The following NCOA2 variants were observed in gnomAD, a reference collection of about 807,000 sequenced individuals.
NCOA2 encodes the protein class E basic helix-loop-helix protein 75.
Under a neutral mutation model 145.1 loss-of-function variants are expected in NCOA2, and 21 were observed. The ratio of observed to expected loss-of-function variants is 0.14; its 90% CI spans 0.10 to 0.21. NCOA2 has a LOEUF of 0.21. Ranked by LOEUF, NCOA2 falls within the 10% of genes least tolerant of loss-of-function variation. The pLI, the probability that NCOA2 is intolerant of heterozygous loss-of-function variation, is 1.00. For synonymous variants in NCOA2, 619 were observed against 637.5 expected (o/e 0.97, Z 0.44); for missense variants, 1,472 against 1,837.6 (o/e 0.80, Z 3.64).
chr8:70,292,791 A>G lies in NCOA2; in HGVS notation c.-20+3953T>C, dbSNP rs1316600516. 5.3e-5 allele frequency among the ~76,000 whole-genome samples: 8 copies of G among 152,224 alleles called. No homozygotes were observed. In the East Asian group the frequency reaches 1.3e-3, roughly 26 times the overall value. On this transcript the variant is annotated intron_variant, in intron 2 of 22. Coordinates refer to ENST00000452400, the MANE Select transcript of NCOA2 (RefSeq NM_006540.4). The stretch of plus-strand genomic sequence containing the variant: ...ATGATTTAGTTTAATGAGGAAAACT[A>G]AGCTAACCGGTTCACACTAATGTGT...
chr8:70,124,203 C>T, intron 20 of NCOA2, 121 bp from the exon 21 acceptor site: 1 of 920,746 alleles, frequency 1.1e-6, no homozygotes, highest in South Asian at 1.9e-5. Context: ...CTGCATGAAC[C>T]CAGGCTGAGA....
chr8:70,285,844 A>G (rs531279565), intron 2 of NCOA2, among the ~76,000 whole-genome samples: 2 of 152,338 alleles, frequency 1.3e-5, no homozygotes, highest in East Asian at 3.9e-4. Flanking sequence ...AACAAGTTCC[A>G]TTTGTATCAC....
chr8:70,163,309 G>A (rs1338457333), intron 8 of NCOA2, among the ~76,000 whole-genome samples, 156 bp downstream of exon 8: 2 of 152,148 alleles, frequency 1.3e-5, no homozygotes, highest in African/African-American at 4.8e-5. Flanking sequence ...AGAGCCAGTG[G>A]CTCTCTCTCC....
At chr8:70,388,502 T>A (rs1029544934) in intron 1 of NCOA2, among the ~76,000 whole-genome samples, 6 of 152,176 alleles carry the variant, frequency 3.9e-5, no homozygotes, top group Non-Finnish European at 8.8e-5. Flanking sequence ...AGCCCTCCAC[T>A]CTAATACAAT....
At chr8:70,211,792 C>T (rs1819056172) in intron 4 of NCOA2, among the ~76,000 whole-genome samples, 1 of 152,096 alleles carries the variant, frequency 6.6e-6, no homozygotes, top group South Asian at 2.1e-4. Context: ...TACATTTATG[C>T]TTTTCGTTTT....
In NCOA2 at chr8:70,156,424, G is replaced by A; in HGVS notation, c.1941C>T (p.Thr647=). The A allele has an allele frequency of 1.2e-6, 2 of 1,613,940 alleles. No homozygotes were observed. The highest frequency in any genetic ancestry group is 1.7e-6 in the Non-Finnish European group (2 of 1,179,886). The change falls in exon 11 of 23, where the codon ACC becomes ACT. Residue 647 remains threonine (T), a synonymous_variant. Transcript: ENST00000452400. ...GCGAGGGCTCCATCTGATCAGATTT[G>A]GTGGTCAGCAGCTGCAGGAGTTTGG... The part of the protein sequence containing the change: ...GQTKLLQLLT[T]KSDQMEPSPL...
At chr8:70,392,047 T>C (rs780231057) in intron 1 of NCOA2, among the ~76,000 whole-genome samples, 7 of 152,228 alleles carry the variant, frequency 4.6e-5, no homozygotes, top group Non-Finnish European at 8.8e-5. Context: ...ATTAAAAACA[T>C]TTATAGCAAA....
chr8:70,435,754 C>A, the NCOA2 span, among the ~76,000 whole-genome samples: 1 of 146,816 alleles, frequency 6.8e-6, no homozygotes, highest in East Asian at 1.9e-4. Flanking sequence ...TCTTTCTTTT[C>A]TTTATTTTAA....
intron 14 of NCOA2, 58 bp downstream of exon 14, chr8:70,141,126 G>A (rs779239934): frequency 1.5e-4 from 226 of 1,490,870 alleles, no homozygotes; most frequent in Middle Eastern, 1.7e-4. Flanking sequence ...AACTTATGAC[G>A]CTCTCTTTTC....
the NCOA2 span, among the ~76,000 whole-genome samples, chr8:70,450,535 G>A: frequency 6.8e-6 from 1 of 147,534 alleles, no homozygotes; most frequent in Admixed American, 6.8e-5. Context: ...TTTTGTTAAA[G>A]CAACCTGAAC....
chr8:70,196,307 CGGAGGT>C (rs1346636496), intron 4 of NCOA2, among the ~76,000 whole-genome samples: 1 of 152,040 alleles, frequency 6.6e-6, no homozygotes, highest in Non-Finnish European at 1.5e-5. Context: ...ACCTGGGAGG[CGGAGGT>C]TGCAGTGAGC....
intron 1 of NCOA2, among the ~76,000 whole-genome samples, chr8:70,359,011 A>C (rs1809981622): frequency 6.6e-6 from 1 of 152,212 alleles, no homozygotes; most frequent in Non-Finnish European, 1.5e-5. Context: ...ATTTAAATAA[A>C]AACTGCAATG....
chr8:70,376,867 C>T (rs1406134931), intron 1 of NCOA2, among the ~76,000 whole-genome samples: 1 of 152,204 alleles, frequency 6.6e-6, no homozygotes, highest in Non-Finnish European at 1.5e-5. Context: ...GCTAGGTAAG[C>T]TGCCTGAGAA....
chr8:70,193,716 C>T (rs896510830), intron 4 of NCOA2, among the ~76,000 whole-genome samples: 2 of 152,166 alleles, frequency 1.3e-5, no homozygotes, highest in African/African-American at 4.8e-5. Context: ...AATGAATACA[C>T]CACTTGGAAT....
the NCOA2 span, among the ~76,000 whole-genome samples, chr8:70,435,231 C>A: frequency 2.3e-4 from 35 of 151,184 alleles, no homozygotes; most frequent in Non-Finnish European, 4.4e-4. Flanking sequence ...CGAGACCATC[C>A]TGGCTAACAC....
chr8:70,226,511 G>A (rs1401303483), intron 2 of NCOA2, among the ~76,000 whole-genome samples: 8 of 152,002 alleles, frequency 5.3e-5, no homozygotes, highest in Non-Finnish European at 8.8e-5. Flanking sequence ...TACAATGAAT[G>A]AAATGAGAAA....
intron 1 of NCOA2, among the ~76,000 whole-genome samples, chr8:70,310,018 A>G (rs1417593561): frequency 3.3e-5 from 5 of 151,954 alleles, no homozygotes; most frequent in Non-Finnish European, 1.5e-5. Context: ...TTTTATGGAC[A>G]TAACCAACAA....
intron 2 of NCOA2, among the ~76,000 whole-genome samples, chr8:70,217,607 C>T (rs1819748406): frequency 6.6e-6 from 1 of 151,866 alleles, no homozygotes; most frequent in Non-Finnish European, 1.5e-5. Flanking sequence ...TTGCTGAATT[C>T]CTCTCAGTAA....
At chr8:70,243,750 G>A (rs1254022900) in intron 2 of NCOA2, among the ~76,000 whole-genome samples, 4 of 116,934 alleles carry the variant, frequency 3.4e-5, no homozygotes, top group African/African-American at 1.4e-4. Flanking sequence ...CTACTTACAA[G>A]AACATGAGAG....
Sources: allele counts gnomAD v4.1 joint callset (sites outside exome capture counted in the v4.1 genomes callset), GRCh38; gene constraint gnomAD v4.1.1; transcripts MANE v1.5; gene names NCBI Gene and HGNC (gene_info 2026-07-23, HGNC 2026-07-21).